GALNT13: variants seen among roughly 807,000 people sequenced by gnomAD.
The protein encoded by GALNT13 is UDP-GalNAc:polypeptide N-acetylgalactosaminyltransferase 13.
Under a neutral mutation model 64.2 loss-of-function variants are expected in GALNT13, and 28 were observed. That is an observed-to-expected ratio of 0.44 (90% CI 0.32 to 0.60). GALNT13 has a LOEUF of 0.60. GALNT13 is among the 20% of genes least tolerant of loss of function. GALNT13 has a pLI of 0.05. For missense variants in GALNT13, 577 were observed against 669.8 expected (o/e 0.86, Z 1.53); for synonymous variants, 214 against 224.6 (o/e 0.95, Z 0.42).
At chr2:153,626,845 C>T in the GALNT13 span, among the ~76,000 whole-genome samples, 1 of 152,044 alleles carries the variant, frequency 6.6e-6, no homozygotes, top group Non-Finnish European at 1.5e-5. Flanking sequence ...CATTGTATAG[C>T]CAATTTTTGC....
At chr2:153,674,091 A>T in the GALNT13 span, among the ~76,000 whole-genome samples, 4 of 152,244 alleles carry the variant, frequency 2.6e-5, no homozygotes, top group Non-Finnish European at 5.9e-5. Flanking sequence ...GCTCATGGAT[A>T]GGAAGAGTCA....
chr2:154,199,485 T>G (rs1186904855), intron 4 of GALNT13, among the ~76,000 whole-genome samples: 1 of 151,996 alleles, frequency 6.6e-6, no homozygotes. Flanking sequence ...AACTTGAGGT[T>G]TAGTAAATTT....
rs1458959175 is a variant in GALNT13 at position 154,023,879 on chromosome 2, G to A, written c.142+79240G>A. On this transcript the variant is annotated intron_variant, in intron 3 of 12. Coordinates refer to ENST00000392825, the MANE Select transcript of GALNT13 (RefSeq NM_052917.4). ...AGTGCTTCTTTCAGGAGCTCTTTTA[G>A]GTCAGGCCTGGTGGTGACAAAATCT... Among the ~76,000 whole-genome samples the A allele has an allele frequency of 3.3e-5, 5 of 152,130 alleles. No individual in the cohort carries two copies. The East Asian group carries it at 9.6e-4, about 29-fold the overall frequency.
intron 7 of GALNT13, among the ~76,000 whole-genome samples, chr2:154,248,219 A>G (rs1016448899): frequency 3.3e-5 from 5 of 152,160 alleles, no homozygotes. Context: ...TTGAAAGCCA[A>G]GTTGAACTTG....
chr2:153,407,403 T>G, the GALNT13 span, among the ~76,000 whole-genome samples: 1 of 152,318 alleles, frequency 6.6e-6, no homozygotes, highest in East Asian at 1.9e-4. Flanking sequence ...GGTTAAATGC[T>G]CAACTGGCTG....
At chr2:153,824,657 A>G in the GALNT13 span, among the ~76,000 whole-genome samples, 31 of 152,078 alleles carry the variant, frequency 2.0e-4, no homozygotes, top group Non-Finnish European at 3.5e-4. Flanking sequence ...ATCTGATATG[A>G]TTTGAATCTG....
intron 4 of GALNT13, among the ~76,000 whole-genome samples, chr2:154,156,038 ATTCT>A (rs1417151392): frequency 1.3e-5 from 2 of 149,380 alleles, no homozygotes; most frequent in Non-Finnish European, 2.9e-5. Flanking sequence ...AACATAAAGC[ATTCT>A]TTCTATTATT....
chr2:153,813,686 T>G, the GALNT13 span, among the ~76,000 whole-genome samples: 1 of 152,240 alleles, frequency 6.6e-6, no homozygotes, highest in African/African-American at 2.4e-5. Flanking sequence ...TCTTGAATAC[T>G]GCCAGTGGCT....
chr2:153,221,147 C>G, the GALNT13 span, among the ~76,000 whole-genome samples: 1 of 152,128 alleles, frequency 6.6e-6, no homozygotes, highest in Non-Finnish European at 1.5e-5. Context: ...AACTTAAAAG[C>G]TGAAACAGAA....
At chr2:153,790,245 G>A in the GALNT13 span, among the ~76,000 whole-genome samples, 1 of 152,204 alleles carries the variant, frequency 6.6e-6, no homozygotes, top group East Asian at 1.9e-4. Flanking sequence ...CAATCAATTA[G>A]ACTTTATCCC....
chr2:153,446,509 C>G, the GALNT13 span, among the ~76,000 whole-genome samples: 1 of 152,154 alleles, frequency 6.6e-6, no homozygotes, highest in African/African-American at 2.4e-5. Flanking sequence ...AAAGACTACA[C>G]TCTTAACTAC....
At chr2:154,345,173 T>C (rs893363360) in intron 9 of GALNT13, among the ~76,000 whole-genome samples, 3 of 152,036 alleles carry the variant, frequency 2.0e-5, no homozygotes, top group African/African-American at 7.2e-5. Flanking sequence ...CCTAAAGATA[T>C]TGTTGATTAA....
At chr2:153,189,250 G>A in the GALNT13 span, among the ~76,000 whole-genome samples, 1 of 152,032 alleles carries the variant, frequency 6.6e-6, no homozygotes, top group African/African-American at 2.4e-5. Context: ...CCCAGCATCT[G>A]GTAACTATCA....
the GALNT13 span, among the ~76,000 whole-genome samples, chr2:153,627,079 T>C: frequency 9.9e-5 from 15 of 152,192 alleles, no homozygotes; most frequent in African/African-American, 3.1e-4. Context: ...CTCTAGTCTT[T>C]GAGCATTGTT....
At chr2:153,530,140 G>A in the GALNT13 span, among the ~76,000 whole-genome samples, 2 of 151,816 alleles carry the variant, frequency 1.3e-5, no homozygotes, top group African/African-American at 4.8e-5. Context: ...TATTATATTT[G>A]AATAAACCTA....
chr2:153,257,688 T>A, the GALNT13 span, among the ~76,000 whole-genome samples: 1 of 152,210 alleles, frequency 6.6e-6, no homozygotes, highest in Admixed American at 6.5e-5. Flanking sequence ...CTGCTATGAA[T>A]AAAATTTGAA....
At chr2:153,119,956 A>G in the GALNT13 span, among the ~76,000 whole-genome samples, 4 of 152,218 alleles carry the variant, frequency 2.6e-5, no homozygotes, top group East Asian at 5.8e-4. Context: ...TCCACTATCT[A>G]TCATAAATAA....
the GALNT13 span, among the ~76,000 whole-genome samples, chr2:153,519,367 C>A: frequency 6.6e-6 from 1 of 152,076 alleles, no homozygotes. Flanking sequence ...CCATAACACA[C>A]CAAGTTAAAA....
chr2:153,560,962 C>T, the GALNT13 span, among the ~76,000 whole-genome samples: 1 of 152,008 alleles, frequency 6.6e-6, no homozygotes, highest in African/African-American at 2.4e-5. Context: ...CATTTGGTCA[C>T]ATATCCTTTG....
Sources: allele counts gnomAD v4.1 joint callset (sites outside exome capture counted in the v4.1 genomes callset), GRCh38; gene constraint gnomAD v4.1.1; transcripts MANE v1.5; gene names NCBI Gene and HGNC (gene_info 2026-07-23, HGNC 2026-07-21).